YLPM1: variants seen among roughly 807,000 people sequenced by gnomAD.
YLPM1 encodes the protein YLP motif-containing protein 1.
YLPM1 carries 99 observed loss-of-function variants against 230.0 expected under a neutral mutation model. The observed-to-expected ratio is 0.43, with a 90% CI of 0.37 to 0.51. The LOEUF is 0.51. YLPM1 is among the 20% of genes least tolerant of loss of function. YLPM1 has a pLI of 0.00. For synonymous variants in YLPM1, 984 were observed against 942.5 expected (o/e 1.04, Z -0.81); for missense variants, 2,592 against 2,707.7 (o/e 0.96, Z 0.95).
chr14:74,818,055 C>CAA (rs199631116), intron 15 of YLPM1, among the ~76,000 whole-genome samples, 176 bp from the exon 16 acceptor site: 12 of 134,228 alleles, frequency 8.9e-5, no homozygotes, highest in South Asian at 2.3e-4. Context: ...GATTCTGTCT[C>CAA]AAAAAAAAAA....
At chr14:74,815,460 G>T (rs2091470363) in intron 11 of YLPM1, among the ~76,000 whole-genome samples, 1 of 151,798 alleles carries the variant, frequency 6.6e-6, no homozygotes, top group Non-Finnish European at 1.5e-5. Flanking sequence ...TGCTTGGGAG[G>T]CTGAGGCATG....
At chr14:74,809,058 A>T (rs2091407515) in intron 6 of YLPM1, among the ~76,000 whole-genome samples, 2 of 150,258 alleles carry the variant, frequency 1.3e-5, no homozygotes, top group African/African-American at 4.9e-5. Flanking sequence ...CTTATTGGGC[A>T]TTTATATATT....
At chr14:74,791,685 C>G (rs1451642953) in intron 4 of YLPM1, among the ~76,000 whole-genome samples, 1 of 152,210 alleles carries the variant, frequency 6.6e-6, no homozygotes. Context: ...CCATATTTAT[C>G]AAATTCTGTT....
Position 74,821,278 on chromosome 14 carries a change from CTT to C in YLPM1, c.6111+144_6111+145del, listed in dbSNP as rs1177753454. On this transcript the variant is annotated intron_variant, in intron 17 of 20. Coordinates refer to ENST00000325680, the MANE Select transcript of YLPM1 (RefSeq NM_019589.3). ...GTTTCCATAATCATCTTCAAGGAGACTTTTGGATACTCTTTATTTTTCCCCAG... is the reference window on the plus strand; with the variant it reads ...GTTTCCATAATCATCTTCAAGGAGACTTGGATACTCTTTATTTTTCCCCAG... 1.8e-5 allele frequency: 22 copies of C among 1,223,760 alleles called. No homozygotes were observed. The Admixed American group carries it at 6.4e-4, about 35-fold the overall frequency. 75.8% of individuals were successfully genotyped at this position (1,223,760 alleles called of 1,614,324 possible).
chr14:74,822,885 T>C (rs1374806892), intron 17 of YLPM1, among the ~76,000 whole-genome samples: 3 of 152,100 alleles, frequency 2.0e-5, no homozygotes, highest in African/African-American at 7.2e-5. Flanking sequence ...ATAGTTTGCC[T>C]CCTTTAGTGC....
At chr14:74,802,335 C>T (rs956443062) in intron 5 of YLPM1, among the ~76,000 whole-genome samples, 1 of 151,730 alleles carries the variant, frequency 6.6e-6, no homozygotes, top group East Asian at 1.9e-4. Flanking sequence ...TCTTGAATAT[C>T]TTCAATAATT....
chr14:74,803,518 A>T (rs2091348310), intron 6 of YLPM1, among the ~76,000 whole-genome samples: 1 of 152,170 alleles, frequency 6.6e-6, no homozygotes, highest in African/African-American at 2.4e-5. Flanking sequence ...ATAGTTGTTG[A>T]CATCAGTGAC....
At position 74,782,173 on chromosome 14, in the gene YLPM1, A is replaced by G. The variant is rs1458021268; in HGVS notation, c.2130A>G (p.Pro710=). The part of the protein sequence containing the change: ...SKAPLSKSAL[P]YSSFSSDQGL... ...CTCCTTTGAGCAAGTCTGCTCTGCC[A>G]TACAGTTCATTCTCATCTGATCAAG... is the stretch of plus-strand genomic sequence containing the variant. Residue 710 remains proline, a synonymous_variant, in exon 4 of 21, where the codon CCA becomes CCG. Coordinates refer to ENST00000325680, the MANE Select transcript of YLPM1 (RefSeq NM_019589.3). 5.0e-6 allele frequency: 8 copies of G among 1,611,372 alleles called. No individual in the cohort carries two copies. The highest frequency in any genetic ancestry group is 4.0e-5 in the African/African-American group (3 of 74,916).
In YLPM1 at chr14:74,763,532, C is replaced by T. The variant is rs746869525; in HGVS notation, c.43C>T (p.Pro15Ser). Residue 15 changes from proline to serine, a missense_variant, in exon 1 of 21, where the codon CCG (proline) becomes TCG (serine). Physicochemically the swap from Pro to Ser is moderately conservative, Grantham distance 74 (BLOSUM62 -1). Transcript: ENST00000325680. ...WGRYGGSSHY[P>S]PPPVPPPPPV... The stretch of plus-strand genomic sequence containing the variant: ...CCGGTATGGCGGGAGCAGCCACTAT[C>T]CGCCGCCACCGGTCCCACCGCCGCC... The T allele has an allele frequency of 1.3e-6, 2 of 1,512,324 alleles. No individual in the cohort carries two copies. Among genetic ancestry groups the T allele is most frequent in the African/African-American group, 2.9e-5 (2 of 69,922 alleles). The allele number at this position is 1,512,324 out of a possible 1,614,324, so 93.7% of individuals were successfully genotyped here. A position where few individuals can be genotyped will look rare whatever the true frequency, so the allele number is the denominator to read the frequency against.
At position 74,798,493 on chromosome 14, in the gene YLPM1, G is replaced by A. The variant is rs2091287409; in HGVS notation, c.3196G>A (p.Glu1066Lys). Reference protein sequence around the residue: ...DFRDKMMGRREDSREKMNRGE... With the variant: ...DFRDKMMGRRKDSREKMNRGE... Reference sequence around the variant, plus strand: ...TCGGGATAAGATGATGGGTAGAAGAGAAGATAGTCGAGAGAAGATGAACAG... The same window carrying A: ...TCGGGATAAGATGATGGGTAGAAGAAAAGATAGTCGAGAGAAGATGAACAG... The change falls in exon 5 of 21, where the codon GAA (glutamate) becomes AAA (lysine). Residue 1066 changes from glutamate to lysine, a missense_variant. By Grantham distance (56) the Glu-to-Lys change is moderately conservative. Transcript: ENST00000325680. 1.2e-6 allele frequency: 2 copies of A among 1,613,970 alleles called. No homozygotes were observed. Among genetic ancestry groups the A allele is most frequent in the Non-Finnish European group, 1.7e-6 (2 of 1,179,876 alleles).
chr14:74,828,971 A>G (rs1046153895), intron 18 of YLPM1, among the ~76,000 whole-genome samples: 4 of 152,206 alleles, frequency 2.6e-5, no homozygotes, highest in South Asian at 2.1e-4. Flanking sequence ...TGCCTTGCCC[A>G]TATTTGCTCT....
At position 74,802,614 on chromosome 14, in the gene YLPM1, G is replaced by A; in HGVS notation, c.4459G>A (p.Asp1487Asn). The change falls in exon 6 of 21, where the codon GAC becomes AAC. Residue 1487 changes from aspartate to asparagine, a missense_variant. This residue lies in a region of YLPM1 where 403 missense variants were observed against 426.7 expected (regional missense o/e 0.94). Transcript: ENST00000325680. ...KDFGSEPQMADHLPPQESRLQ... is the reference protein window; with the variant it reads ...KDFGSEPQMANHLPPQESRLQ... ...CTTCGGGTCTGAGCCACAGATGGCT[G>A]ACCATCTACCACCTCAGGAATCAAG... is the stretch of plus-strand genomic sequence containing the variant. The A allele has an allele frequency of 6.2e-7, 1 of 1,613,330 alleles. No homozygotes were observed. Among genetic ancestry groups the A allele is most frequent in the Non-Finnish European group, 8.5e-7 (1 of 1,179,524 alleles).
Position 74,798,576 on chromosome 14 carries a change from G to A in YLPM1, c.3279G>A (p.Val1093=). ...LVRPGSSREK[V]PGGLQGSQDR... ...GGCCTGGAAGCAGTCGGGAGAAAGTGCCAGGTGGTCTTCAAGGGAGCCAGG... is the reference window on the plus strand; with the variant it reads ...GGCCTGGAAGCAGTCGGGAGAAAGTACCAGGTGGTCTTCAAGGGAGCCAGG... Residue 1093 remains valine (V), a synonymous_variant, in exon 5 of 21, where the codon GTG becomes GTA. Coordinates refer to ENST00000325680, the MANE Select transcript of YLPM1 (RefSeq NM_019589.3). The A allele has an allele frequency of 6.2e-7, 1 of 1,613,756 alleles. No homozygotes were observed. Among genetic ancestry groups the A allele is most frequent in the Non-Finnish European group, 8.5e-7 (1 of 1,179,794 alleles).
intron 6 of YLPM1, among the ~76,000 whole-genome samples, chr14:74,804,706 C>A (rs542401504): frequency 2.8e-4 from 43 of 152,106 alleles, no homozygotes; most frequent in Admixed American, 4.6e-4. Flanking sequence ...TATTATGTTG[C>A]ATTTTGAGTG....
rs1358992706 is a variant in YLPM1 at position 74,799,366 on chromosome 14, C to T, written c.4069C>T (p.Arg1357Ter). 1.2e-6 allele frequency: 2 copies of T among 1,613,928 alleles called. No individual in the cohort carries two copies. Among genetic ancestry groups the T allele is most frequent in the Non-Finnish European group, 1.7e-6 (2 of 1,179,880 alleles). Residue 1357 changes from arginine (R) to a stop codon, truncating the protein, a stop_gained, in exon 5 of 21, where the codon CGA (arginine) becomes TGA (stop). Coordinates refer to ENST00000325680, the MANE Select transcript of YLPM1 (RefSeq NM_019589.3). LOFTEE classifies it high-confidence loss of function. ...TGATAGATGGAGAGAAGAAAGAAAT[C>T]GAGAGCATGGGTATGATCGAGATTT... ...RDDRWREERN[R>*]EHGYDRDFRD...
intron 11 of YLPM1, among the ~76,000 whole-genome samples, chr14:74,814,189 G>A (rs10873273): frequency 6.6e-6 from 1 of 152,038 alleles, no homozygotes; most frequent in Non-Finnish European, 1.5e-5. Flanking sequence ...GTGAAACCCC[G>A]TCTGTACTAA....
chr14:74,798,530 G>T lies in YLPM1; in HGVS notation c.3233G>T (p.Ser1078Ile). The T allele has an allele frequency of 1.9e-6, 3 of 1,613,982 alleles. No homozygotes were observed. Among genetic ancestry groups the T allele is most frequent in the Admixed American group, 1.7e-5 (1 of 60,028 alleles). Reference sequence around the variant, plus strand: ...GAGAAGATGAACAGAGGAGAAGGTAGCCGGGACAGAGGGTTGGTGAGGCCT... The same window carrying T: ...GAGAAGATGAACAGAGGAGAAGGTATCCGGGACAGAGGGTTGGTGAGGCCT... The part of the protein sequence containing the change: ...SREKMNRGEG[S>I]RDRGLVRPGS... The change falls in exon 5 of 21, where the codon AGC becomes ATC. Residue 1078 changes from serine to isoleucine, a missense_variant. Ser to Ile is a moderately radical substitution (Grantham distance 142). This residue lies in a region of YLPM1 where 1,862 missense variants were observed against 1,819.8 expected (regional missense o/e 1.02). Coordinates refer to ENST00000325680, the MANE Select transcript of YLPM1 (RefSeq NM_019589.3).
Position 74,836,918 on chromosome 14 carries a change from A to G in YLPM1, c.*1180A>G, listed in dbSNP as rs1414848967. ...TTTTCATCCTGCAAAGAAAAAAGTC[A>G]TCTTTTAGCATGAAAGAAGATGAGA... On this transcript the variant is annotated 3_prime_UTR_variant, in exon 21 of 21. Transcript: ENST00000325680. 2.0e-5 allele frequency: 3 copies of G among 152,436 alleles called. No individual in the cohort carries two copies. The allele number at this position is 152,436 out of a possible 1,614,324, so 9.4% of individuals were successfully genotyped here.
chr14:74,798,064 AATT>A lies in YLPM1; in HGVS notation c.2768_2770del (p.Asn923_Trp924delinsArg), dbSNP rs777006502. 6.2e-6 allele frequency: 10 copies of A among 1,613,970 alleles called. No homozygotes were observed. The highest frequency in any genetic ancestry group is 1.1e-5 in the South Asian group (1 of 91,076). On this transcript the variant is annotated inframe_deletion, in exon 5 of 21. Coordinates refer to ENST00000325680, the MANE Select transcript of YLPM1 (RefSeq NM_019589.3). The stretch of plus-strand genomic sequence containing the variant: ...CTCGGAAGGGCCCGTAGAGCCCTCT[AATT>A]GGGACCAGAATGTTCAAAGTATGGA...
Sources: gnomAD v4.1 joint callset for allele counts (sites outside exome capture counted in the v4.1 genomes callset) on GRCh38, gnomAD v4.1.1 for gene constraint, gnomAD v4.1.1 regional missense constraint, MANE v1.5 for transcripts, NCBI Gene and HGNC (gene_info 2026-07-23, HGNC 2026-07-21) for gene names.